PCGF5: variants seen among roughly 807,000 people sequenced by gnomAD.
The protein encoded by PCGF5 is polycomb group RING finger protein 5.
PCGF5 carries 9 observed loss-of-function variants against 44.3 expected under a neutral mutation model. The observed-to-expected ratio is 0.20, with a 90% CI of 0.12 to 0.35. The LOEUF (loss-of-function observed/expected upper bound fraction) is 0.35, where lower values mean the gene tolerates loss of function less well. Ranked by LOEUF, PCGF5 falls within the 10% of genes least tolerant of loss-of-function variation. The pLI, the probability that PCGF5 is intolerant of heterozygous loss-of-function variation, is 1.00. For synonymous variants in PCGF5, 95 were observed against 102.5 expected, an observed-to-expected ratio of 0.93 and a Z score of 0.44; for missense variants, 146 against 305.3, an observed-to-expected ratio of 0.48 and a Z score of 3.89.
chr10:91,247,163 TAAAG>T (rs761314809), intron 3 of PCGF5, among the ~76,000 whole-genome samples: 26 of 151,584 alleles, frequency 1.7e-4, no homozygotes, highest in Non-Finnish European at 2.2e-4. Context: ...TGCTTAGTAA[TAAAG>T]AAAGAACAGA....
intron 1 of PCGF5, among the ~76,000 whole-genome samples, chr10:91,192,957 A>G (rs1253593766): frequency 6.6e-6 from 1 of 152,214 alleles, no homozygotes. Flanking sequence ...ATATTAAAAT[A>G]TAGAGGTTAA....
chr10:91,170,131 CA>C (rs1843577140), intron 1 of PCGF5, among the ~76,000 whole-genome samples: 1 of 152,114 alleles, frequency 6.6e-6, no homozygotes, highest in African/African-American at 2.4e-5. Flanking sequence ...AAAATTAATT[CA>C]AAATGGATCA....
the PCGF5 span, among the ~76,000 whole-genome samples, chr10:91,157,865 G>T: frequency 6.6e-6 from 1 of 152,190 alleles, no homozygotes; most frequent in Non-Finnish European, 1.5e-5. Context: ...AGTTGATCTA[G>T]AATTAATCCT....
At chr10:91,271,061 G>C (rs2133448897) in intron 8 of PCGF5, among the ~76,000 whole-genome samples, 1 of 151,424 alleles carries the variant, frequency 6.6e-6, no homozygotes, top group South Asian at 2.1e-4. Flanking sequence ...CTGGGCCTTA[G>C]CTATTAAGAC....
chr10:91,201,944 G>C (rs1564632284), intron 1 of PCGF5, among the ~76,000 whole-genome samples: 1 of 152,108 alleles, frequency 6.6e-6, no homozygotes. Context: ...CTATGCTTTT[G>C]AAATTGTTAG....
At chr10:91,200,876 C>T (rs1005431745) in intron 1 of PCGF5, among the ~76,000 whole-genome samples, 2 of 152,002 alleles carry the variant, frequency 1.3e-5, no homozygotes, top group African/African-American at 4.8e-5. Flanking sequence ...TAACCTAGAG[C>T]TTGCTGTGTA....
chr10:91,243,892 T>G (rs542380085), intron 3 of PCGF5, among the ~76,000 whole-genome samples: 71 of 152,338 alleles, frequency 4.7e-4, no homozygotes, highest in Middle Eastern at 3.4e-3. Context: ...CACATTATAT[T>G]TCTATTGGTC....
intron 1 of PCGF5, among the ~76,000 whole-genome samples, chr10:91,210,057 A>T (rs1844420104): frequency 6.6e-6 from 1 of 152,210 alleles, no homozygotes; most frequent in Admixed American, 6.5e-5. Flanking sequence ...AGCATTAGAC[A>T]ATCTATAAAG....
chr10:91,244,581 G>A (rs1485393962), intron 3 of PCGF5, among the ~76,000 whole-genome samples: 2 of 152,200 alleles, frequency 1.3e-5, no homozygotes, highest in Non-Finnish European at 2.9e-5. Flanking sequence ...GTTGATGACT[G>A]TGTTGAGAAC....
At chr10:91,234,619 T>C (rs1296692978) in intron 2 of PCGF5, among the ~76,000 whole-genome samples, 7 of 152,248 alleles carry the variant, frequency 4.6e-5, no homozygotes, top group Non-Finnish European at 8.8e-5. Flanking sequence ...TAGTCTGATA[T>C]TATTCAGTAT....
chr10:91,220,625 G>T (rs1453913728), upstream of PCGF5: 4 of 151,330 alleles, frequency 2.6e-5, no homozygotes, highest in South Asian at 1.9e-4. Context: ...GCCCTTGGAG[G>T]CGGCACCGGA....
chr10:91,220,404 A>G (rs2133270501), upstream of PCGF5: 1 of 152,406 alleles, frequency 6.6e-6, no homozygotes, highest in East Asian at 1.9e-4. Context: ...TGATGTAAAC[A>G]ACCGAAGGGG....
chr10:91,218,880 G>A (rs942396562), upstream of PCGF5, among the ~76,000 whole-genome samples: 5 of 152,018 alleles, frequency 3.3e-5, no homozygotes, highest in Non-Finnish European at 7.4e-5. Flanking sequence ...CGCCCACCTC[G>A]GCCTCCAGAA....
intron 1 of PCGF5, among the ~76,000 whole-genome samples, chr10:91,201,584 T>G (rs1844253120): frequency 6.6e-6 from 1 of 152,014 alleles, no homozygotes; most frequent in Non-Finnish European, 1.5e-5. Flanking sequence ...TCTTCTCCCC[T>G]CCTCCCTCCA....
intron 1 of PCGF5, among the ~76,000 whole-genome samples, chr10:91,199,681 A>G (rs1466277798): frequency 1.3e-5 from 2 of 152,244 alleles, no homozygotes; most frequent in Non-Finnish European, 2.9e-5. Context: ...TTAGTTTAAT[A>G]CTGAAATTTG....
intron 1 of PCGF5, among the ~76,000 whole-genome samples, chr10:91,176,763 C>T (rs994461645): frequency 2.6e-5 from 4 of 152,226 alleles, no homozygotes; most frequent in Non-Finnish European, 5.9e-5. Flanking sequence ...CCACCAGGTC[C>T]TTTAAGGACT....
chr10:91,249,092 G>A (rs565850730), intron 5 of PCGF5, among the ~76,000 whole-genome samples: 1 of 152,030 alleles, frequency 6.6e-6, no homozygotes, highest in African/African-American at 2.4e-5. Context: ...TATTTTGTAT[G>A]TTTGCCTCTA....
intron 1 of PCGF5, among the ~76,000 whole-genome samples, chr10:91,176,113 A>C (rs1017067586): frequency 7.2e-5 from 11 of 152,276 alleles, no homozygotes; most frequent in East Asian, 1.9e-4. Context: ...CTGGTGGTGA[A>C]AAAATCTCTC....
chr10:91,283,154 C>T lies in PCGF5; in HGVS notation c.*4838C>T, dbSNP rs1470602532. 4 of 152,044 alleles carry T rather than the reference C, an allele frequency of 2.6e-5. No individual in the cohort carries two copies. Among genetic ancestry groups the T allele is most frequent in the Admixed American group, 2.0e-4 (3 of 15,264 alleles). 9.4% of individuals were successfully genotyped at this position (152,044 alleles called of 1,614,324 possible). On this transcript the variant is annotated 3_prime_UTR_variant, in exon 10 of 10. Transcript: ENST00000336126. ...AGTTTTTATTGCAGTGATGTTTTTCCAATAATTTAAGTAATTCTCTTCCTA... is the reference window on the plus strand; with the variant it reads ...AGTTTTTATTGCAGTGATGTTTTTCTAATAATTTAAGTAATTCTCTTCCTA...
Sources: allele counts gnomAD v4.1 joint callset (sites outside exome capture counted in the v4.1 genomes callset), GRCh38; gene constraint gnomAD v4.1.1; transcripts MANE v1.5; gene names NCBI Gene and HGNC (gene_info 2026-07-23, HGNC 2026-07-21).